The following SLCO1B3 variants were observed in gnomAD, a reference collection of about 807,000 sequenced individuals.
The protein encoded by SLCO1B3 is solute carrier organic anion transporter family member 1B3.
SLCO1B3 carries 72 observed loss-of-function variants against 71.8 expected under a neutral mutation model. The observed-to-expected ratio is 1.00, with a 90% CI of 0.83 to 1.22. The LOEUF (loss-of-function observed/expected upper bound fraction) is 1.22, where lower values mean the gene tolerates loss of function less well. Ranked by LOEUF, SLCO1B3 falls within the 50% of genes most tolerant of loss-of-function variation. The probability of loss-of-function intolerance (pLI) is 0.00; values close to 1 mark genes in which losing one functional copy is unlikely to be tolerated. For missense variants in SLCO1B3, 911 were observed against 819.7 expected (o/e 1.11, Z -1.36); for synonymous variants, 298 against 278.4 (o/e 1.07, Z -0.70).
intron 4 of SLCO1B3, among the ~76,000 whole-genome samples, 163 bp from the exon 5 acceptor site, chr12:20,858,276 A>G (rs144607206): frequency 5.9e-5 from 9 of 152,188 alleles, no homozygotes; most frequent in African/African-American, 1.7e-4. Flanking sequence ...CAACTTTTCA[A>G]TGAGTGGTTT....
At chr12:20,862,337 G>T in intron 6 of SLCO1B3, 75 bp from the exon 7 acceptor site, 2 of 1,431,026 alleles carry the variant, frequency 1.4e-6, no homozygotes, top group Non-Finnish European at 1.9e-6. Flanking sequence ...AAAAATGAAG[G>T]ATTTAAAGTA....
At chr12:20,913,159 C>T (rs964338121) in intron 15 of SLCO1B3, among the ~76,000 whole-genome samples, 3 of 151,968 alleles carry the variant, frequency 2.0e-5, no homozygotes, top group South Asian at 2.1e-4. Flanking sequence ...CTGGTGAATC[C>T]GTGCATTTCT....
chr12:20,902,764 T>C (rs184229941), intron 15 of SLCO1B3, among the ~76,000 whole-genome samples: 1 of 151,940 alleles, frequency 6.6e-6, no homozygotes, highest in Admixed American at 6.6e-5. Flanking sequence ...TATATAAGGA[T>C]CTCTTAAAAA....
At chr12:20,846,085 A>G (rs1453729102) in intron 3 of SLCO1B3, among the ~76,000 whole-genome samples, 1 of 152,032 alleles carries the variant, frequency 6.6e-6, no homozygotes, top group East Asian at 1.9e-4. Flanking sequence ...ACAGTTACAC[A>G]TATTTATTTC....
intron 15 of SLCO1B3, among the ~76,000 whole-genome samples, chr12:20,909,103 T>C (rs1008457722): frequency 1.3e-5 from 2 of 151,952 alleles, no homozygotes; most frequent in Non-Finnish European, 2.9e-5. Flanking sequence ...TGGTATCTCA[T>C]TGTTGTTTAA....
intron 3 of SLCO1B3, among the ~76,000 whole-genome samples, chr12:20,853,568 G>C: frequency 6.6e-6 from 1 of 151,886 alleles, no homozygotes; most frequent in East Asian, 1.9e-4. Flanking sequence ...TGAGACAGCC[G>C]TTGTAATGCC....
At chr12:20,904,482 C>T (rs1450736316) in intron 15 of SLCO1B3, among the ~76,000 whole-genome samples, 1 of 152,096 alleles carries the variant, frequency 6.6e-6, no homozygotes, top group Non-Finnish European at 1.5e-5. Context: ...CAGCTCCACT[C>T]CTGTGGCTCT....
At chr12:20,818,477 AAG>A (rs1162485451) in intron 3 of SLCO1B3, among the ~76,000 whole-genome samples, 1 of 150,142 alleles carries the variant, frequency 6.7e-6, no homozygotes, top group Non-Finnish European at 1.5e-5. Context: ...TACTTAGACA[AAG>A]AGGTATTTTA....
At chr12:20,870,571 A>C (rs1427387031) in intron 8 of SLCO1B3, among the ~76,000 whole-genome samples, 1 of 152,152 alleles carries the variant, frequency 6.6e-6, no homozygotes. Context: ...TTTTCTCAAC[A>C]CCATTTATCA....
intron 3 of SLCO1B3, among the ~76,000 whole-genome samples, chr12:20,828,938 T>C (rs1477196847): frequency 6.6e-6 from 1 of 150,764 alleles, no homozygotes; most frequent in African/African-American, 2.4e-5. Context: ...TAAATGGCCC[T>C]GTTATGTACA....
At chr12:20,848,462 A>G (rs1045795198) in intron 3 of SLCO1B3, among the ~76,000 whole-genome samples, 9 of 152,192 alleles carry the variant, frequency 5.9e-5, no homozygotes, top group African/African-American at 1.7e-4. Context: ...TTACTGTACA[A>G]TCCTGCAGTC....
At chr12:20,822,560 C>G (rs752527361) in intron 3 of SLCO1B3, among the ~76,000 whole-genome samples, 2 of 151,980 alleles carry the variant, frequency 1.3e-5, no homozygotes, top group African/African-American at 4.8e-5. Context: ...GCCATCTCGG[C>G]GTATACGTGC....
At chr12:20,834,010 GTATA>G (rs1864613211) in intron 3 of SLCO1B3, among the ~76,000 whole-genome samples, 1 of 145,470 alleles carries the variant, frequency 6.9e-6, no homozygotes, top group Non-Finnish European at 1.5e-5. Context: ...GTGGATATGT[GTATA>G]TGTATTATAT....
At chr12:20,812,230 T>G (rs1345907295) in intron 1 of SLCO1B3, among the ~76,000 whole-genome samples, 1 of 152,132 alleles carries the variant, frequency 6.6e-6, no homozygotes, top group East Asian at 1.9e-4. Flanking sequence ...TTAACCTTTC[T>G]GAGAGATGAG....
At position 20,861,010 on chromosome 12, in the gene SLCO1B3, CTTACAG is replaced by C. The variant is rs772663115; in HGVS notation, c.360-3_362del. ...GCAAAATGTTCAATTTCATGTTGCT[CTTACAG>C]TTATAGGTATTCTAAAGAAACCCAT... On this transcript the variant is annotated splice_acceptor_variant and splice_polypyrimidine_tract_variant and intron_variant, in intron 5 of 15. Transcript: ENST00000381545. LOFTEE classifies it high-confidence loss of function. 147 of 1,562,078 alleles carry C rather than the reference CTTACAG, an allele frequency of 9.4e-5. No homozygotes were observed. The highest frequency in any genetic ancestry group is 2.1e-4 in the South Asian group (18 of 84,268).
At chr12:20,901,544 T>C in intron 15 of SLCO1B3, 77 bp downstream of exon 15, 1 of 721,506 alleles carries the variant, frequency 1.4e-6, no homozygotes, top group African/African-American at 1.8e-5. Context: ...GCATTTTTAG[T>C]GTGATCGTAA....
chr12:20,892,276 T>C (rs1865920531), intron 13 of SLCO1B3, among the ~76,000 whole-genome samples: 1 of 152,142 alleles, frequency 6.6e-6, no homozygotes, highest in Non-Finnish European at 1.5e-5. Context: ...TAACAGGCTA[T>C]ATTGAAGAGG....
chr12:20,884,285 G>A (rs1353225200), intron 13 of SLCO1B3, among the ~76,000 whole-genome samples: 1 of 152,074 alleles, frequency 6.6e-6, no homozygotes, highest in African/African-American at 2.4e-5. Flanking sequence ...ACAAATTGCT[G>A]TTTGTCTTAA....
rs535167469 is a variant in SLCO1B3 at position 20,820,116 on chromosome 12, G to A, written c.84+4294G>A. ...GTCAATACCCACAACAGTTATGGAG[G>A]CAAGGGAAACAGGCCCTTGAAAAGA... On this transcript the variant is annotated intron_variant, in intron 3 of 15. Transcript: ENST00000381545. Among the ~76,000 whole-genome samples, 164 of 152,256 alleles carry A rather than the reference G, an allele frequency of 1.1e-3. 4 individuals are homozygous for A. The South Asian group carries it at 0.033, about 30-fold the overall frequency.
Sources: gnomAD v4.1 joint callset for allele counts (sites outside exome capture counted in the v4.1 genomes callset) on GRCh38, gnomAD v4.1.1 for gene constraint, MANE v1.5 for transcripts, NCBI Gene and HGNC (gene_info 2026-07-23, HGNC 2026-07-21) for gene names.